The following MIGA1 variants were observed in gnomAD, a reference collection of about 807,000 sequenced individuals.
MIGA1 encodes family with sequence similarity 73, member A.
A neutral mutation model predicts 82.0 loss-of-function variants in MIGA1; 58 were observed. That is an observed-to-expected ratio of 0.71 (90% CI 0.57 to 0.88). The LOEUF (loss-of-function observed/expected upper bound fraction) is 0.88. MIGA1 is among the 40% of genes least tolerant of loss of function. The pLI is 0.00. For missense variants in MIGA1, 751 were observed against 749.1 expected (o/e 1.00, Z -0.03); for synonymous variants, 249 against 253.6 (o/e 0.98, Z 0.17).
intron 2 of MIGA1, among the ~76,000 whole-genome samples, chr1:77,799,871 C>T (rs1409571617): frequency 1.3e-5 from 2 of 150,162 alleles, no homozygotes; most frequent in Non-Finnish European, 3.0e-5. Flanking sequence ...AAAAAACCAG[C>T]TGTTGGTCTT....
intron 15 of MIGA1, among the ~76,000 whole-genome samples, chr1:77,874,350 CAAA>C (rs1312305622): frequency 6.9e-6 from 1 of 144,014 alleles, no homozygotes. Flanking sequence ...TTTTCTTGTA[CAAA>C]AAAAAAAAGC....
At chr1:77,842,767 C>G (rs937619040) in intron 7 of MIGA1, among the ~76,000 whole-genome samples, 3 of 152,226 alleles carry the variant, frequency 2.0e-5, no homozygotes, top group East Asian at 1.9e-4. Context: ...GTCTCGAACT[C>G]CTGATCTCAG....
intron 14 of MIGA1, among the ~76,000 whole-genome samples, chr1:77,872,142 A>G (rs1052113933): frequency 6.6e-6 from 1 of 151,480 alleles, no homozygotes; most frequent in Non-Finnish European, 1.5e-5. Flanking sequence ...TAACTTTTGT[A>G]TTTTTTGTAG....
chr1:77,779,933 C>T (rs1681825632), intron 1 of MIGA1, 197 bp downstream of exon 1: 2 of 1,372,904 alleles, frequency 1.5e-6, no homozygotes, highest in East Asian at 2.9e-5. Flanking sequence ...CCCCCGACCT[C>T]GTCTCATCTC....
chr1:77,836,920 CAA>C (rs1480597127), intron 7 of MIGA1, among the ~76,000 whole-genome samples: 4 of 151,990 alleles, frequency 2.6e-5, no homozygotes, highest in Non-Finnish European at 5.9e-5. Context: ...CTTTTTTTCC[CAA>C]GTTACAAAAA....
Position 77,876,907 on chromosome 1 carries a change from C to T in MIGA1, c.*1843C>T, listed in dbSNP as rs1007705455. The T allele has an allele frequency of 6.6e-6, 1 of 152,154 alleles. No individual in the cohort carries two copies. Among genetic ancestry groups the T allele is most frequent in the Non-Finnish European group, 1.5e-5 (1 of 68,032 alleles). 9.4% of individuals were successfully genotyped at this position (152,154 alleles called of 1,614,324 possible). A position where few individuals can be genotyped will look rare whatever the true frequency, so the allele number is the denominator to read the frequency against. On this transcript the variant is annotated 3_prime_UTR_variant, in exon 16 of 16. Transcript: ENST00000370791. Reference sequence around the variant, plus strand: ...ATAATATACCACTTATTTGGAGTGACTAACTCAGTATGTAAGTAGATGAGA... The same window carrying T: ...ATAATATACCACTTATTTGGAGTGATTAACTCAGTATGTAAGTAGATGAGA...
intron 2 of MIGA1, among the ~76,000 whole-genome samples, chr1:77,797,700 C>G (rs1161291929): frequency 6.6e-6 from 1 of 151,934 alleles, no homozygotes; most frequent in African/African-American, 2.4e-5. Context: ...TTTTCCTTTT[C>G]TTTTTCTTGG....
At chr1:77,815,440 C>G (rs1222613843) in intron 7 of MIGA1, among the ~76,000 whole-genome samples, 1 of 151,964 alleles carries the variant, frequency 6.6e-6, no homozygotes, top group African/African-American at 2.4e-5. Flanking sequence ...AATTCAAGTA[C>G]TTATCATAGG....
chr1:77,809,497 G>C (rs1350559676), intron 5 of MIGA1, among the ~76,000 whole-genome samples: 1 of 152,038 alleles, frequency 6.6e-6, no homozygotes, highest in African/African-American at 2.4e-5. Flanking sequence ...CTACTTGAGA[G>C]GCTGAAGTGG....
At chr1:77,844,866 C>T (rs760068898) in intron 8 of MIGA1, among the ~76,000 whole-genome samples, 2 of 152,168 alleles carry the variant, frequency 1.3e-5, no homozygotes, top group African/African-American at 2.4e-5. Context: ...CCTGTAATCA[C>T]AGCTACTCAG....
intron 2 of MIGA1, 27 bp from the exon 3 acceptor site, chr1:77,801,304 T>A: frequency 1.3e-6 from 2 of 1,511,832 alleles, no homozygotes; most frequent in East Asian, 4.9e-5. Flanking sequence ...AAGAGATTTT[T>A]TTCAATTTTA....
chr1:77,874,968 C>G lies in MIGA1; in HGVS notation c.1803C>G (p.Ala601=), dbSNP rs1646882776. ...TTCGCCGCACTGAGCTTTTAATGGC[C>G]TATCTTGAAGCAGATGCCCTGAGGC... The change falls in exon 16 of 16, where the codon GCC becomes GCG. Residue 601 remains alanine (A), a synonymous_variant. Coordinates refer to ENST00000370791, the MANE Select transcript of MIGA1 (RefSeq NM_198549.4). The G allele has an allele frequency of 6.2e-7, 1 of 1,613,984 alleles. No individual in the cohort carries two copies.
chr1:77,855,370 G>A (rs1444180195), intron 8 of MIGA1, among the ~76,000 whole-genome samples: 2 of 152,154 alleles, frequency 1.3e-5, no homozygotes, highest in East Asian at 3.9e-4. Context: ...CTTTGGCTAT[G>A]CAGGCTCTTT....
chr1:77,801,086 C>T (rs1682862435), intron 2 of MIGA1, among the ~76,000 whole-genome samples: 1 of 151,974 alleles, frequency 6.6e-6, no homozygotes, highest in Non-Finnish European at 1.5e-5. Context: ...TTATTTTCTG[C>T]TCCTATTGAC....
intron 14 of MIGA1, among the ~76,000 whole-genome samples, chr1:77,869,825 C>T (rs1280568663): frequency 9.1e-5 from 10 of 109,358 alleles, no homozygotes; most frequent in African/African-American, 3.7e-4. Context: ...GGCAGAGGCG[C>T]CCCTCACCTC....
chr1:77,823,800 TCTTTAAAGAATCA>T (rs753590547), intron 7 of MIGA1, among the ~76,000 whole-genome samples: 6 of 152,166 alleles, frequency 3.9e-5, no homozygotes, highest in Non-Finnish European at 5.9e-5. Context: ...TTTAAAAAGT[TCTTTAAAGAATCA>T]CTTAGTTTCA....
chr1:77,823,993 T>C (rs1019214575), intron 7 of MIGA1, among the ~76,000 whole-genome samples: 3 of 152,172 alleles, frequency 2.0e-5, no homozygotes, highest in Admixed American at 1.3e-4. Flanking sequence ...TGTTGTTGTT[T>C]TTACTTTGGT....
intron 7 of MIGA1, among the ~76,000 whole-genome samples, chr1:77,836,380 A>G (rs192174897): frequency 2.0e-5 from 3 of 152,260 alleles, no homozygotes; most frequent in African/African-American, 7.2e-5. Flanking sequence ...GGAGCAAAAA[A>G]TCAGATAAAT....
At chr1:77,862,065 TG>T (rs1685476260) in intron 12 of MIGA1, 1 of 148,676 alleles carries the variant, frequency 6.7e-6, no homozygotes. Flanking sequence ...TGCTTGAACC[TG>T]GGAGGTGGAG....
Sources: allele counts gnomAD v4.1 joint callset (sites outside exome capture counted in the v4.1 genomes callset), GRCh38; gene constraint gnomAD v4.1.1; transcripts MANE v1.5; gene names NCBI Gene and HGNC (gene_info 2026-07-23, HGNC 2026-07-21).